PTPRT: variants seen among roughly 807,000 people sequenced by gnomAD.
PTPRT encodes protein tyrosine phosphatase receptor type T, also known as receptor-type tyrosine-protein phosphatase T.
PTPRT carries 56 observed loss-of-function variants against 176.8 expected under a neutral mutation model. The observed-to-expected ratio is 0.32, with a 90% CI of 0.26 to 0.40. PTPRT has a LOEUF of 0.40. Ranked by LOEUF, PTPRT falls within the 10% of genes least tolerant of loss-of-function variation. The pLI, the probability that PTPRT is intolerant of heterozygous loss-of-function variation, is 1.00. For missense variants in PTPRT, 1,540 were observed against 1,908.2 expected, an observed-to-expected ratio of 0.81 and a Z score of 3.60; for synonymous variants, 783 against 739.0, an observed-to-expected ratio of 1.06 and a Z score of -0.96.
At chr20:42,779,058 T>C (rs1231660502) in intron 4 of PTPRT, among the ~76,000 whole-genome samples, 3 of 152,196 alleles carry the variant, frequency 2.0e-5, no homozygotes, top group East Asian at 1.9e-4. Flanking sequence ...GAACTTGTAA[T>C]GTGTTCCAAA....
intron 12 of PTPRT, among the ~76,000 whole-genome samples, chr20:42,294,472 AC>A (rs1423837723): frequency 6.6e-6 from 1 of 152,154 alleles, no homozygotes. Context: ...CAGAACCTAC[AC>A]CCATTCCCTA....
intron 9 of PTPRT, among the ~76,000 whole-genome samples, chr20:42,415,340 G>A (rs6102822): frequency 2.0e-5 from 3 of 150,472 alleles, no homozygotes; most frequent in Non-Finnish European, 4.4e-5. Context: ...GTGCCACCAA[G>A]CTCAGCTGGG....
chr20:42,620,201 T>C (rs556291930), intron 7 of PTPRT, among the ~76,000 whole-genome samples: 1 of 149,218 alleles, frequency 6.7e-6, no homozygotes, highest in African/African-American at 2.5e-5. Flanking sequence ...TACCCTGCCT[T>C]GTGAGGTGTC....
intron 17 of PTPRT, among the ~76,000 whole-genome samples, chr20:42,158,993 T>G (rs1568978462): frequency 6.6e-6 from 1 of 152,186 alleles, no homozygotes; most frequent in East Asian, 1.9e-4. Flanking sequence ...AAAAGAAATA[T>G]TAATCTAGAA....
At chr20:42,034,383 G>A in the PTPRT span, among the ~76,000 whole-genome samples, 1 of 152,130 alleles carries the variant, frequency 6.6e-6, no homozygotes, top group African/African-American at 2.4e-5. Flanking sequence ...AGAGTGAAAG[G>A]GAGAGAGGGA....
At chr20:42,412,455 C>T (rs921332469) in intron 9 of PTPRT, among the ~76,000 whole-genome samples, 4 of 152,090 alleles carry the variant, frequency 2.6e-5, no homozygotes, top group Non-Finnish European at 2.9e-5. Flanking sequence ...TGGGACTCTT[C>T]GATACAGTGC....
chr20:42,524,775 T>A (rs983310694), intron 7 of PTPRT, among the ~76,000 whole-genome samples: 1 of 152,190 alleles, frequency 6.6e-6, no homozygotes, highest in African/African-American at 2.4e-5. Context: ...AACATGTTTC[T>A]TTATTCCCTT....
intron 17 of PTPRT, among the ~76,000 whole-genome samples, chr20:42,149,614 G>C (rs1216389541): frequency 6.6e-6 from 1 of 151,948 alleles, no homozygotes; most frequent in Non-Finnish European, 1.5e-5. Context: ...AATAGAGACG[G>C]GGTTTCTCCA....
At chr20:42,867,089 C>A (rs1367850325) in intron 2 of PTPRT, among the ~76,000 whole-genome samples, 1 of 152,180 alleles carries the variant, frequency 6.6e-6, no homozygotes, top group African/African-American at 2.4e-5. Context: ...GAAGTAGACA[C>A]CTCTTGGTGC....
At chr20:42,722,658 T>C (rs2076321177) in intron 6 of PTPRT, among the ~76,000 whole-genome samples, 1 of 152,190 alleles carries the variant, frequency 6.6e-6, no homozygotes, top group Non-Finnish European at 1.5e-5. Flanking sequence ...AGCAGCAGCA[T>C]CCAGCAGAAC....
At chr20:43,124,506 C>T (rs1341761805) in intron 1 of PTPRT, among the ~76,000 whole-genome samples, 2 of 152,186 alleles carry the variant, frequency 1.3e-5, no homozygotes, top group African/African-American at 4.8e-5. Context: ...CCCCAGTTCA[C>T]CCATCAGTCA....
chr20:42,462,943 C>G (rs6093647), intron 8 of PTPRT, among the ~76,000 whole-genome samples: 4 of 152,040 alleles, frequency 2.6e-5, no homozygotes, highest in Non-Finnish European at 5.9e-5. Flanking sequence ...GTGGATGAAG[C>G]CTGGATATAG....
chr20:42,466,974 T>C (rs2071112057), intron 8 of PTPRT, among the ~76,000 whole-genome samples: 1 of 152,124 alleles, frequency 6.6e-6, no homozygotes, highest in Admixed American at 6.6e-5. Flanking sequence ...CCACTGGCCA[T>C]ATTTGAGGCA....
At chr20:42,540,251 A>C (rs1443337949) in intron 7 of PTPRT, among the ~76,000 whole-genome samples, 1 of 152,176 alleles carries the variant, frequency 6.6e-6, no homozygotes, top group Non-Finnish European at 1.5e-5. Context: ...CAGCACCTTC[A>C]AAGTAGTAAA....
At chr20:42,908,148 C>T (rs1379061658) in intron 1 of PTPRT, among the ~76,000 whole-genome samples, 1 of 152,090 alleles carries the variant, frequency 6.6e-6, no homozygotes, top group Non-Finnish European at 1.5e-5. Flanking sequence ...ACCGGGAAGG[C>T]AGCAAGAGAA....
At chr20:42,619,201 G>A (rs1191301090) in intron 7 of PTPRT, among the ~76,000 whole-genome samples, 2 of 147,652 alleles carry the variant, frequency 1.4e-5, no homozygotes, top group Non-Finnish European at 3.0e-5. Context: ...CACTTATGAA[G>A]CTTAGTTTGG....
At chr20:42,621,582 G>C (rs1004962881) in intron 7 of PTPRT, among the ~76,000 whole-genome samples, 1 of 152,098 alleles carries the variant, frequency 6.6e-6, no homozygotes, top group South Asian at 2.1e-4. Context: ...TTTAAATATG[G>C]AATTCCTTGG....
At chr20:42,815,448 C>T (rs2077766849) in intron 2 of PTPRT, among the ~76,000 whole-genome samples, 1 of 152,192 alleles carries the variant, frequency 6.6e-6, no homozygotes, top group Non-Finnish European at 1.5e-5. Context: ...GGTTCTGATA[C>T]ATGGCAAAGG....
intron 18 of PTPRT, among the ~76,000 whole-genome samples, chr20:42,141,689 G>C (rs1193782262): frequency 3.3e-5 from 5 of 151,948 alleles, no homozygotes; most frequent in Non-Finnish European, 7.4e-5. Flanking sequence ...GCTCTGCCCT[G>C]ACCCATCTCC....
Sources: gnomAD v4.1 joint callset for allele counts (sites outside exome capture counted in the v4.1 genomes callset) on GRCh38, gnomAD v4.1.1 for gene constraint, MANE v1.5 for transcripts, NCBI Gene and HGNC (gene_info 2026-07-23, HGNC 2026-07-21) for gene names.